Variants in MYH2 observed in about 807,000 individuals in gnomAD.
The protein encoded by MYH2 is myosin-2.
In MYH2, 139 loss-of-function variants were observed where a neutral mutation model predicts 228.1. That is an observed-to-expected ratio of 0.61 (90% CI 0.53 to 0.70). The LOEUF is 0.70. MYH2 is among the 30% of genes least tolerant of loss of function. The pLI is 0.00. For missense variants in MYH2, 1,809 were observed against 2,357.5 expected (o/e 0.77, Z 4.82); for synonymous variants, 796 against 871.1 (o/e 0.91, Z 1.52).
chr17:10,544,095 C>T lies in MYH2; in HGVS notation c.533+5G>A, dbSNP rs764237431. The T allele has an allele frequency of 6.2e-7, 1 of 1,614,140 alleles. No individual in the cohort carries two copies. The highest frequency in any genetic ancestry group is 1.7e-5 in the Admixed American group (1 of 60,010). The stretch of plus-strand genomic sequence containing the variant: ...CCATGTAAAGAAAGCATAAAATCTA[C>T]TTACGTGATCAGGATTGACTGATTC... On this transcript the variant is annotated splice_donor_5th_base_variant and intron_variant, in intron 6 of 39. Transcript: ENST00000245503.
intron 10 of MYH2, among the ~76,000 whole-genome samples, chr17:10,541,826 G>A (rs2073559359): frequency 6.6e-6 from 1 of 152,166 alleles, no homozygotes; most frequent in South Asian, 2.1e-4. Flanking sequence ...AAGAACCTAT[G>A]TGAAATAACA....
chr17:10,526,480 G>A, intron 30 of MYH2, 119 bp downstream of exon 30: 1 of 1,484,524 alleles, frequency 6.7e-7, no homozygotes, highest in Non-Finnish European at 9.4e-7. Context: ...GATTGTGACT[G>A]GCACATAAAA....
intron 14 of MYH2, among the ~76,000 whole-genome samples, chr17:10,538,196 C>T (rs1294637090): frequency 2.0e-5 from 3 of 152,026 alleles, no homozygotes; most frequent in Non-Finnish European, 4.4e-5. Flanking sequence ...CATTTAGGAG[C>T]CAACTTGCAA....
chr17:10,530,533 A>T (rs1597451534), intron 22 of MYH2, among the ~76,000 whole-genome samples: 1 of 148,840 alleles, frequency 6.7e-6, no homozygotes, highest in Non-Finnish European at 1.5e-5. Flanking sequence ...GCTGCTACTG[A>T]TTTTTTTTTT....
rs958080489 is a variant in MYH2, at chr17:10,526,720, C to T, written c.4066G>A (p.Glu1356Lys). The T allele has an allele frequency of 2.5e-6, 4 of 1,614,204 alleles. No homozygotes were observed. Among genetic ancestry groups the T allele is most frequent in the Non-Finnish European group, 3.4e-6 (4 of 1,180,014 alleles). ...CDLLREQYEE[E>K]QESKAELQRA... ...TGCAGCTCGGCCTTGGATTCCTGCT[C>T]CTCCTCATACTGTTCCCGCAGCAGG... Residue 1356 changes from glutamate to lysine, a missense_variant, in exon 30 of 40, where the codon GAG (glutamate) becomes AAG (lysine). This residue lies in a region of MYH2 where 636 missense variants were observed against 729.9 expected (regional missense o/e 0.87). Coordinates refer to ENST00000245503, the MANE Select transcript of MYH2 (RefSeq NM_017534.6).
intron 19 of MYH2, 85 bp downstream of exon 19, chr17:10,534,988 G>C: frequency 1.4e-6 from 2 of 1,411,780 alleles, no homozygotes; most frequent in Admixed American, 1.7e-5. Context: ...AACAAGTAGA[G>C]GCATATGTTT....
chr17:10,523,195 T>G lies in MYH2; in HGVS notation c.5578-10A>C, dbSNP rs752957615. On this transcript the variant is annotated splice_polypyrimidine_tract_variant and intron_variant, in intron 38 of 39. Transcript: ENST00000245503. ...TTCTATCTTCTTCCGTCTGAAAGAT[T>G]ATAAAAAGTCCAGGACCTTAATTAC... 6.2e-7 allele frequency: 1 copy of G among 1,611,830 alleles called. No individual in the cohort carries two copies. Among genetic ancestry groups the G allele is most frequent in the Non-Finnish European group, 8.5e-7 (1 of 1,177,914 alleles).
rs1597450695 is a variant in MYH2 at position 10,529,027 on chromosome 17, G to T, written c.3407C>A (p.Ala1136Asp). The change falls in exon 27 of 40, where the codon GCC (alanine) becomes GAC (aspartate). Residue 1136 changes from alanine (A) to aspartate (D), a missense_variant. Physicochemically the swap from Ala to Asp is moderately radical, Grantham distance 126 (BLOSUM62 -2). Transcript: ENST00000245503. ...GTCAGAGCGCTGCTTCTCTGCTTTG[G>T]CCCGGGAGGCCCGCTCTGCCTCGAT... The part of the protein sequence containing the change: ...EEIEAERASR[A>D]KAEKQRSDLS... 2 of 1,614,188 alleles carry T rather than the reference G, an allele frequency of 1.2e-6. No homozygotes were observed. The highest frequency in any genetic ancestry group is 2.2e-5 in the South Asian group (2 of 91,090).
At chr17:10,539,607 A>G in intron 12 of MYH2, 45 bp from the exon 13 acceptor site, 1 of 1,537,948 alleles carries the variant, frequency 6.5e-7, no homozygotes, top group African/African-American at 1.4e-5. Flanking sequence ...GGCCCAAAGA[A>G]ACCCACTTCC....
In MYH2 at chr17:10,544,008, G is replaced by T; in HGVS notation, c.542C>A (p.Ser181Tyr). The change falls in exon 7 of 40, where the codon TCT (serine) becomes TAT (tyrosine). Residue 181 changes from serine (S) to tyrosine (Y), a missense_variant. By Grantham distance (144) the Ser-to-Tyr change is moderately radical (BLOSUM62 -2). Around this residue, in one of 9 missense-constraint regions of MYH2, gnomAD observed 373 missense variants for 620.4 expected, o/e 0.60. Transcript: ENST00000245503. Reference protein sequence around the residue: ...ENQSILITGESGAGKTVNTKR... With the variant: ...ENQSILITGEYGAGKTVNTKR... The stretch of plus-strand genomic sequence containing the variant: ...GGTGTTCACAGTCTTCCCTGCACCA[G>T]ATTCTCCACTGTCAAATCAAAACTC... The T allele has an allele frequency of 6.2e-7, 1 of 1,614,188 alleles. No homozygotes were observed. Among genetic ancestry groups the T allele is most frequent in the Non-Finnish European group, 8.5e-7 (1 of 1,180,034 alleles).
Position 10,539,304 on chromosome 17 carries a change from G to A in MYH2, c.1317C>T (p.Phe439=), listed in dbSNP as rs1182748391. The change falls in exon 14 of 40, where the codon TTC becomes TTT. Residue 439 remains phenylalanine, a synonymous_variant. Coordinates refer to ENST00000245503, the MANE Select transcript of MYH2 (RefSeq NM_017534.6). ...ALAKAVYEKM[F]LWMVARINQQ... The stretch of plus-strand genomic sequence containing the variant: ...GGTTGATGCGGGCAACCATCCACAG[G>A]AACATCTTCTCGTAGACGGCTTTGG... The A allele has an allele frequency of 6.8e-6, 11 of 1,614,198 alleles. No homozygotes were observed. In the East Asian group the frequency reaches 2.5e-4, roughly 36 times the overall value.
At position 10,523,894 on chromosome 17, in the gene MYH2, A is replaced by G. The variant is rs886052563; in HGVS notation, c.5176-10T>C. 6.2e-7 allele frequency: 1 copy of G among 1,612,322 alleles called. No individual in the cohort carries two copies. On this transcript the variant is annotated splice_polypyrimidine_tract_variant and intron_variant, in intron 35 of 39. Transcript: ENST00000245503. ...TGATCAGGCTGGTGTTCTGTTTAAA[A>G]AGAATTTGTACATTTAAAAAATTGT...
chr17:10,542,077 C>A (rs548388929), intron 10 of MYH2, among the ~76,000 whole-genome samples: 1 of 152,278 alleles, frequency 6.6e-6, no homozygotes, highest in East Asian at 1.9e-4. Context: ...AGTTCGAGAC[C>A]AGCCTGGACA....
At chr17:10,526,867 AAAGCTGGTAT>A in intron 29 of MYH2, 61 bp downstream of exon 29, 1 of 1,613,884 alleles carries the variant, frequency 6.2e-7, no homozygotes, top group Non-Finnish European at 8.5e-7. Flanking sequence ...AAACCTTTTG[AAAGCTGGTAT>A]AACAGGCTCC....
chr17:10,526,654 T>A lies in MYH2; in HGVS notation c.4132A>T (p.Arg1378Trp), dbSNP rs149667200. The change falls in exon 30 of 40, where the codon AGG (arginine) becomes TGG (tryptophan). Residue 1378 changes from arginine (R) to tryptophan (W), a missense_variant. Physicochemically the swap from Arg to Trp is moderately radical, Grantham distance 101. Transcript: ENST00000245503. ...ATGGCGTCCGTCTCGTATTTGGTCCTCCATTGGGCAACCTCGGTGTTGGCC... is the reference window on the plus strand; with the variant it reads ...ATGGCGTCCGTCTCGTATTTGGTCCACCATTGGGCAACCTCGGTGTTGGCC... ...SKANTEVAQW[R>W]TKYETDAIQR... is the part of the protein sequence containing the mutation. The A allele has an allele frequency of 3.1e-6, 5 of 1,613,912 alleles. No individual in the cohort carries two copies. The African/African-American group carries it at 6.7e-5, about 22-fold the overall frequency.
chr17:10,523,393 T>G lies in MYH2; in HGVS notation c.5492A>C (p.Glu1831Ala), dbSNP rs1161405862. The change falls in exon 38 of 40, where the codon GAG becomes GCG. Residue 1831 changes from glutamate (E) to alanine (A), a missense_variant. Transcript: ENST00000245503. ...ATTACGCTTTTGCTCACTCTCAACC[T>G]CTCCTTCCAGCTCCCGTACCTGCAA... ...LEARVRELEG[E>A]VESEQKRNAE... 2.5e-6 allele frequency: 4 copies of G among 1,613,954 alleles called. No individual in the cohort carries two copies. In the African/African-American group the frequency reaches 4.0e-5, roughly 16 times the overall value.
rs776018379 is a variant in MYH2, at chr17:10,526,738, G to A, written c.4048C>T (p.Arg1350Trp). Residue 1350 changes from arginine (R) to tryptophan (W), a missense_variant, in exon 30 of 40, where the codon CGG (arginine) becomes TGG (tryptophan). Arg to Trp is a moderately radical substitution (Grantham distance 101). Transcript: ENST00000245503. ...TCCTGCTCCTCCTCATACTGTTCCC[G>A]CAGCAGGTCACAGTCGTGGCGGGAA... is the stretch of plus-strand genomic sequence containing the variant. Reference protein sequence around the residue: ...QSSRHDCDLLREQYEEEQESK... With the variant: ...QSSRHDCDLLWEQYEEEQESK... 11 of 1,614,218 alleles carry A rather than the reference G, an allele frequency of 6.8e-6. No individual in the cohort carries two copies. The highest frequency in any genetic ancestry group is 4.0e-5 in the African/African-American group (3 of 75,058).
intron 19 of MYH2, 61 bp from the exon 20 acceptor site, chr17:10,533,693 C>T (rs2073451212): frequency 6.4e-7 from 1 of 1,565,840 alleles, no homozygotes; most frequent in African/African-American, 1.4e-5. Context: ...GCTAGCTAAA[C>T]ATTAAATGAT....
chr17:10,523,235 A>G (rs1433056610), intron 38 of MYH2, 50 bp from the exon 39 acceptor site: 1 of 1,601,744 alleles, frequency 6.2e-7, no homozygotes, highest in Admixed American at 1.7e-5. Flanking sequence ...GCACATGACT[A>G]TTGCATCATT....
Sources: allele counts gnomAD v4.1 joint callset (sites outside exome capture counted in the v4.1 genomes callset), GRCh38; gene constraint gnomAD v4.1.1; regional missense constraint gnomAD v4.1.1; transcripts MANE v1.5; gene names NCBI Gene and HGNC (gene_info 2026-07-23, HGNC 2026-07-21).